The following PCDHA7 variants were observed in gnomAD, a reference collection of about 807,000 sequenced individuals.
The protein encoded by PCDHA7 is protocadherin alpha-7.
In PCDHA7, 37 loss-of-function variants were observed where a neutral mutation model predicts 57.2. The observed-to-expected ratio is 0.65, with a 90% CI of 0.50 to 0.85. The LOEUF is 0.85. Among genes scored for constraint, PCDHA7 ranks in the 40% least tolerant of loss-of-function variants. PCDHA7 has a pLI of 0.00. For missense variants in PCDHA7, 1,188 were observed against 1,241.8 expected (o/e 0.96, Z 0.65); for synonymous variants, 553 against 558.8 (o/e 0.99, Z 0.15).
At chr5:140,849,467 TA>T (rs2040919541) in intron 1 of PCDHA7, 1 of 1,589,264 alleles carries the variant, frequency 6.3e-7, no homozygotes, top group African/African-American at 1.4e-5. Flanking sequence ...AGGCTGTCGA[TA>T]AAGGCTTCCC....
chr5:140,842,009 G>A, intron 1 of PCDHA7: 3 of 1,613,748 alleles, frequency 1.9e-6, no homozygotes, highest in Non-Finnish European at 2.5e-6. Flanking sequence ...TCAGCTGCTG[G>A]TCACAGTGCT....
intron 1 of PCDHA7, chr5:140,881,297 C>T: frequency 4.3e-6 from 4 of 940,924 alleles, no homozygotes; most frequent in Non-Finnish European, 5.1e-6. Flanking sequence ...AAAATGGAAA[C>T]TTTAACCTCC....
chr5:140,871,290 C>T, intron 1 of PCDHA7: 8 of 1,613,900 alleles, frequency 5.0e-6, no homozygotes, highest in African/African-American at 1.3e-5. Context: ...CCACTGAGGG[C>T]GCGTGCGCGC....
intron 1 of PCDHA7, among the ~76,000 whole-genome samples, chr5:140,941,202 C>CTTTCCTTCTTT (rs1554213921): frequency 8.1e-6 from 1 of 122,742 alleles, no homozygotes; most frequent in Non-Finnish European, 1.8e-5. Flanking sequence ...TTTCTTTCTT[C>CTTTCCTTCTTT]CTTTCTTTCT....
intron 1 of PCDHA7, among the ~76,000 whole-genome samples, chr5:140,916,660 T>A (rs2077673786): frequency 6.6e-6 from 1 of 152,172 alleles, no homozygotes; most frequent in African/African-American, 2.4e-5. Flanking sequence ...GTATCCAAGA[T>A]GCAAGACAAA....
intron 1 of PCDHA7, chr5:140,841,578 T>C: frequency 1.2e-6 from 2 of 1,614,008 alleles, no homozygotes; most frequent in Non-Finnish European, 1.7e-6. Flanking sequence ...ATTTTGTTTG[T>C]GAATTCTCGG....
chr5:140,836,864 T>C (rs1774785013), intron 1 of PCDHA7, 126 bp downstream of exon 1: 1 of 755,194 alleles, frequency 1.3e-6, no homozygotes, highest in Non-Finnish European at 2.1e-6. Context: ...TTTTTAATGT[T>C]ATGCTGTATT....
At chr5:140,874,045 A>C (rs1365438306) in intron 1 of PCDHA7, among the ~76,000 whole-genome samples, 1 of 152,212 alleles carries the variant, frequency 6.6e-6, no homozygotes, top group East Asian at 1.9e-4. Flanking sequence ...CTTGGTGATG[A>C]TATTAGACAA....
At chr5:140,975,543 T>C (rs1276340507) in intron 1 of PCDHA7, among the ~76,000 whole-genome samples, 2 of 152,206 alleles carry the variant, frequency 1.3e-5, no homozygotes, top group African/African-American at 4.8e-5. Context: ...AATACAGTCC[T>C]ATTAGGAAGG....
intron 1 of PCDHA7, among the ~76,000 whole-genome samples, chr5:140,917,793 G>A (rs1405580492): frequency 6.6e-6 from 1 of 152,082 alleles, no homozygotes; most frequent in African/African-American, 2.4e-5. Flanking sequence ...TTTGGTTACT[G>A]TAGCCTTGCA....
chr5:140,985,792 T>G (rs1043772430), intron 3 of PCDHA7, among the ~76,000 whole-genome samples: 1 of 142,326 alleles, frequency 7.0e-6, no homozygotes. Flanking sequence ...CAGGCTGGAG[T>G]GCAGTGGCAC....
chr5:140,868,468 TA>T (rs2050485574), intron 1 of PCDHA7: 1 of 152,446 alleles, frequency 6.6e-6, no homozygotes, highest in Non-Finnish European at 1.5e-5. Flanking sequence ...GCTGCTTTTA[TA>T]AAACTTCAAT....
intron 1 of PCDHA7, chr5:140,857,011 T>C (rs2044320012): frequency 1.3e-6 from 2 of 1,596,036 alleles, no homozygotes; most frequent in Admixed American, 1.7e-5. Flanking sequence ...ATGTAGATGT[T>C]ACAGATAAGG....
chr5:140,967,837 C>T (rs2096189054), intron 1 of PCDHA7: 4 of 1,613,994 alleles, frequency 2.5e-6, no homozygotes, highest in African/African-American at 2.7e-5. Context: ...ACATCGTGGA[C>T]GTGAATGACA....
At chr5:141,007,395 C>CAAAAAAAAAAAAAAAAA (rs35800918) in intron 3 of PCDHA7, among the ~76,000 whole-genome samples, 5 of 94,868 alleles carry the variant, frequency 5.3e-5, no homozygotes, top group Non-Finnish European at 8.3e-5. Context: ...TACTAAAATA[C>CAAAAAAAAAAAAAAAAA]AAAAAAAAAA....
intron 1 of PCDHA7, chr5:140,852,656 G>C (rs2042430108): frequency 1.0e-6 from 1 of 961,570 alleles, no homozygotes; most frequent in African/African-American, 1.8e-5. Context: ...ATCTATATCT[G>C]TCTATCAGCA....
chr5:140,922,786 G>A (rs1397049612), intron 1 of PCDHA7, among the ~76,000 whole-genome samples: 2 of 152,198 alleles, frequency 1.3e-5, no homozygotes, highest in African/African-American at 4.8e-5. Context: ...AGAGAAAACT[G>A]TAGCTTTGGA....
intron 1 of PCDHA7, among the ~76,000 whole-genome samples, chr5:140,914,530 C>T (rs1305035760): frequency 1.3e-5 from 2 of 152,096 alleles, no homozygotes; most frequent in African/African-American, 2.4e-5. Flanking sequence ...ATCCATTCAG[C>T]CACTTTATTT....
chr5:141,006,636 A>G (rs1322633928), intron 3 of PCDHA7, among the ~76,000 whole-genome samples: 3 of 152,210 alleles, frequency 2.0e-5, no homozygotes, highest in African/African-American at 7.2e-5. Context: ...TGCAATTCAT[A>G]TAAGAGATGA....
Sources: allele counts gnomAD v4.1 joint callset (sites outside exome capture counted in the v4.1 genomes callset), GRCh38; gene constraint gnomAD v4.1.1; transcripts MANE v1.5; gene names NCBI Gene and HGNC (gene_info 2026-07-23, HGNC 2026-07-21).